EVA1C: variants seen among roughly 807,000 people sequenced by gnomAD.
EVA1C encodes eva-1 homolog C, also known as protein eva-1 homolog C.
A neutral mutation model predicts 45.4 loss-of-function variants in EVA1C; 25 were observed. The ratio of observed to expected loss-of-function variants is 0.55; its 90% CI spans 0.40 to 0.77. The LOEUF (loss-of-function observed/expected upper bound fraction) is 0.77, where lower values mean the gene tolerates loss of function less well. Among genes scored for constraint, EVA1C ranks in the 30% least tolerant of loss-of-function variants. EVA1C has a pLI of 0.00. For missense variants in EVA1C, 479 were observed against 554.8 expected (o/e 0.86, Z 1.37); for synonymous variants, 190 against 221.2 (o/e 0.86, Z 1.25).
chr21:32,483,962 A>G (rs1174357543), intron 4 of EVA1C, among the ~76,000 whole-genome samples: 3 of 147,232 alleles, frequency 2.0e-5, no homozygotes, highest in African/African-American at 5.0e-5. Context: ...CTCACTGTTT[A>G]TGTGTGTGTG....
intron 5 of EVA1C, among the ~76,000 whole-genome samples, chr21:32,498,164 C>T (rs1030265149): frequency 6.6e-6 from 1 of 152,132 alleles, no homozygotes. Flanking sequence ...CAAAGAGACA[C>T]GGCCAGGTGC....
chr21:32,513,551 C>CTTTTTT (rs1165725714), intron 7 of EVA1C, among the ~76,000 whole-genome samples: 70 of 106,770 alleles, frequency 6.6e-4, no homozygotes, highest in African/African-American at 1.1e-3. Context: ...TTTTTCTTTT[C>CTTTTTT]TTTTTTTTTT....
At chr21:32,510,289 A>T (rs765127175) in intron 7 of EVA1C, among the ~76,000 whole-genome samples, 130 of 152,134 alleles carry the variant, frequency 8.5e-4, no homozygotes, top group Non-Finnish European at 1.5e-3. Context: ...TCCTGACCTC[A>T]AGTGATCCGC....
chr21:32,486,289 A>C (rs2036971273), intron 4 of EVA1C, among the ~76,000 whole-genome samples: 1 of 152,044 alleles, frequency 6.6e-6, no homozygotes, highest in Non-Finnish European at 1.5e-5. Context: ...ACACCCAGTT[A>C]ATTTTTGTAT....
chr21:32,418,634 C>T (rs528766971), intron 1 of EVA1C, among the ~76,000 whole-genome samples: 1 of 152,286 alleles, frequency 6.6e-6, no homozygotes, highest in East Asian at 1.9e-4. Context: ...TTGCCCAAGA[C>T]CACCCAGCTA....
intron 1 of EVA1C, among the ~76,000 whole-genome samples, chr21:32,440,578 A>C (rs2035137513): frequency 6.6e-6 from 1 of 151,996 alleles, no homozygotes; most frequent in South Asian, 2.1e-4. Context: ...GCACATTTAG[A>C]GTAACTTTTT....
intron 6 of EVA1C, among the ~76,000 whole-genome samples, chr21:32,502,012 CTTTCTTTCTTTCTT>C (rs2037556611): frequency 7.6e-6 from 1 of 132,252 alleles, no homozygotes; most frequent in Non-Finnish European, 1.5e-5. Flanking sequence ...TTCTTTCTTT[CTTTCTTTCTTTCTT>C]TCTTTCTTTC....
chr21:32,436,271 C>T (rs994675547), intron 1 of EVA1C, among the ~76,000 whole-genome samples: 29 of 152,228 alleles, frequency 1.9e-4, no homozygotes, highest in African/African-American at 7.0e-4. Context: ...GCCATGTTGG[C>T]CAGGCTGTTC....
chr21:32,459,696 C>T (rs773639450), intron 3 of EVA1C, among the ~76,000 whole-genome samples: 1 of 152,068 alleles, frequency 6.6e-6, no homozygotes, highest in Non-Finnish European at 1.5e-5. Flanking sequence ...ATGAAATTAG[C>T]TGGGCATAGT....
chr21:32,482,226 C>T (rs2146355378), intron 4 of EVA1C, among the ~76,000 whole-genome samples: 1 of 152,302 alleles, frequency 6.6e-6, no homozygotes, highest in East Asian at 1.9e-4. Flanking sequence ...CTTCCGGGAC[C>T]TTAAACACAG....
At chr21:32,499,626 C>T (rs2037465694) in intron 5 of EVA1C, among the ~76,000 whole-genome samples, 1 of 152,220 alleles carries the variant, frequency 6.6e-6, no homozygotes. Flanking sequence ...GCTGAAGATG[C>T]CTCACTTGTT....
rs541937790 is a variant in EVA1C at position 32,464,903 on chromosome 21, A to C, written c.482-2793A>C. 2.0e-5 allele frequency among the ~76,000 whole-genome samples: 3 copies of C among 152,354 alleles called. No individual in the cohort carries two copies. In the East Asian group the frequency reaches 5.8e-4, roughly 29 times the overall value. ...TTTGGAGCTTAGCATCACTGACACC[A>C]GGATAAGAAGATCCAGCCAGGTGCC... On this transcript the variant is annotated intron_variant, in intron 3 of 7. Coordinates refer to ENST00000300255, the MANE Select transcript of EVA1C (RefSeq NM_058187.5).
intron 4 of EVA1C, among the ~76,000 whole-genome samples, chr21:32,484,747 G>A (rs1284881204): frequency 6.6e-6 from 1 of 151,950 alleles, no homozygotes; most frequent in Non-Finnish European, 1.5e-5. Flanking sequence ...TTCTGGACAG[G>A]CACCTTTGGC....
intron 1 of EVA1C, among the ~76,000 whole-genome samples, chr21:32,418,901 C>T (rs566777580): frequency 6.6e-6 from 1 of 152,296 alleles, no homozygotes; most frequent in African/African-American, 2.4e-5. Context: ...AGTGGGTGCA[C>T]TCACAAAGTG....
intron 4 of EVA1C, among the ~76,000 whole-genome samples, chr21:32,486,478 A>G (rs980655943): frequency 6.6e-6 from 1 of 152,132 alleles, no homozygotes; most frequent in Non-Finnish European, 1.5e-5. Flanking sequence ...AGTTTTTACC[A>G]GGTATTACTG....
intron 1 of EVA1C, among the ~76,000 whole-genome samples, chr21:32,416,132 T>C (rs1181815381): frequency 6.7e-6 from 1 of 150,362 alleles, no homozygotes; most frequent in Non-Finnish European, 1.5e-5. Flanking sequence ...GATCCTCATA[T>C]TTTTGCCTTA....
Position 32,437,197 on chromosome 21 carries a change from T to A in EVA1C, c.161-16115T>A, listed in dbSNP as rs949527976. Among the ~76,000 whole-genome samples, 4 of 149,432 alleles carry A rather than the reference T, an allele frequency of 2.7e-5. No homozygotes were observed. The East Asian group carries it at 5.9e-4, about 22-fold the overall frequency. ...AACAAAACAAACATAGATTCAAACATAAAATGAGGAGGAATTTTAAGACAG... is the reference window on the plus strand; with the variant it reads ...AACAAAACAAACATAGATTCAAACAAAAAATGAGGAGGAATTTTAAGACAG... On this transcript the variant is annotated intron_variant, in intron 1 of 7. Coordinates refer to ENST00000300255, the MANE Select transcript of EVA1C (RefSeq NM_058187.5).
chr21:32,469,536 C>T (rs1353834271), intron 4 of EVA1C, among the ~76,000 whole-genome samples: 1 of 152,158 alleles, frequency 6.6e-6, no homozygotes, highest in Admixed American at 6.5e-5. Flanking sequence ...TCATCAAGCC[C>T]TCCTATATGA....
chr21:32,413,078 G>T (rs1335695016), intron 1 of EVA1C, 65 bp downstream of exon 1: 58 of 1,267,302 alleles, frequency 4.6e-5, no homozygotes, highest in Non-Finnish European at 5.8e-5. Flanking sequence ...ACCCTCGACT[G>T]GGGGCAGCCG....
Sources: allele counts gnomAD v4.1 joint callset (sites outside exome capture counted in the v4.1 genomes callset), GRCh38; gene constraint gnomAD v4.1.1; transcripts MANE v1.5; gene names NCBI Gene and HGNC (gene_info 2026-07-23, HGNC 2026-07-21).